Variants in CNBD1 observed in about 807,000 individuals in gnomAD.
CNBD1 encodes cyclic nucleotide binding domain containing 1, also known as cyclic nucleotide-binding domain-containing protein 1.
In CNBD1, 71 loss-of-function variants were observed where a neutral mutation model predicts 54.4. That is an observed-to-expected ratio of 1.30 (90% CI 1.08 to 1.59). The LOEUF (loss-of-function observed/expected upper bound fraction) is 1.59. Ranked by LOEUF, CNBD1 falls within the 40% of genes most tolerant of loss-of-function variation. The pLI is 0.00. For synonymous variants in CNBD1, 182 were observed against 170.7 expected (o/e 1.07, Z -0.51); for missense variants, 659 against 518.0 (o/e 1.27, Z -2.64).
At chr8:87,386,382 T>G (rs955449331), downstream of CNBD1, among the ~76,000 whole-genome samples, 1 of 151,664 alleles carries the variant, frequency 6.6e-6, no homozygotes, top group African/African-American at 2.4e-5. Flanking sequence ...ATTAGATGAA[T>G]GGCTAACGAG....
chr8:87,004,004 C>T (rs991238261), intron 4 of CNBD1, among the ~76,000 whole-genome samples: 2 of 152,120 alleles, frequency 1.3e-5, no homozygotes, highest in African/African-American at 4.8e-5. Context: ...TCTAGTAACA[C>T]ACAGGTCAAG....
chr8:87,142,129 G>C (rs923245261), intron 4 of CNBD1, among the ~76,000 whole-genome samples: 2 of 152,136 alleles, frequency 1.3e-5, no homozygotes, highest in East Asian at 1.9e-4. Context: ...GTAGAGAAGA[G>C]AGAAAAAGGA....
In CNBD1 at chr8:86,921,896, C is replaced by T. The variant is rs374679283; in HGVS notation, c.272+16702C>T. ...TCAGAGAGGGCCTCTGTGCTCAGAG[C>T]TTGGTGGTGCTGACAGGGTCTGAGT... is the stretch of plus-strand genomic sequence containing the variant. On this transcript the variant is annotated intron_variant, in intron 3 of 10. Coordinates refer to ENST00000518476, the MANE Select transcript of CNBD1 (RefSeq NM_173538.3). Among the ~76,000 whole-genome samples the T allele has an allele frequency of 1.4e-4, 21 of 152,154 alleles. No individual in the cohort carries two copies. In the East Asian group the frequency reaches 2.1e-3, roughly 15 times the overall value.
At chr8:87,290,801 G>T (rs182927864) in intron 8 of CNBD1, among the ~76,000 whole-genome samples, 1 of 152,084 alleles carries the variant, frequency 6.6e-6, no homozygotes, top group Non-Finnish European at 1.5e-5. Context: ...ACTTTCTTCT[G>T]GCTTCTATTG....
intron 4 of CNBD1, among the ~76,000 whole-genome samples, chr8:87,154,314 T>G (rs1314937916): frequency 6.6e-6 from 1 of 152,052 alleles, no homozygotes; most frequent in Non-Finnish European, 1.5e-5. Context: ...AGGAGGAAGG[T>G]CTAGAGCCTG....
chr8:86,975,778 A>G (rs921608454), intron 4 of CNBD1, among the ~76,000 whole-genome samples: 1 of 151,806 alleles, frequency 6.6e-6, no homozygotes, highest in East Asian at 1.9e-4. Context: ...TAATAATTCT[A>G]TTTTTAGTTT....
chr8:87,415,383 A>G (rs1457820999), intron 2 of CNBD1, among the ~76,000 whole-genome samples: 1 of 152,034 alleles, frequency 6.6e-6, no homozygotes, highest in Non-Finnish European at 1.5e-5. Flanking sequence ...TTTTGGGTTC[A>G]TAGGTTATTT....
At chr8:87,109,411 A>T (rs1291643867) in intron 4 of CNBD1, among the ~76,000 whole-genome samples, 3 of 152,086 alleles carry the variant, frequency 2.0e-5, no homozygotes, top group African/African-American at 7.2e-5. Flanking sequence ...ATTTATTAAT[A>T]CCTGATGGCA....
chr8:86,946,749 T>C (rs2130438859), intron 4 of CNBD1, among the ~76,000 whole-genome samples: 1 of 152,280 alleles, frequency 6.6e-6, no homozygotes, highest in Middle Eastern at 3.4e-3. Flanking sequence ...GAATATTTCT[T>C]GTAACAACTA....
chr8:87,222,012 A>G (rs759134586), intron 5 of CNBD1, among the ~76,000 whole-genome samples: 1 of 152,082 alleles, frequency 6.6e-6, no homozygotes, highest in Non-Finnish European at 1.5e-5. Context: ...AATATAATAA[A>G]AGCTATGAAA....
chr8:86,985,130 A>AT (rs1384354862), intron 4 of CNBD1, among the ~76,000 whole-genome samples: 2 of 151,774 alleles, frequency 1.3e-5, no homozygotes, highest in African/African-American at 4.8e-5. Flanking sequence ...TAAAAAGGAG[A>AT]TTTTCCCTTC....
At chr8:87,070,692 G>T (rs888269480) in intron 4 of CNBD1, among the ~76,000 whole-genome samples, 1 of 151,996 alleles carries the variant, frequency 6.6e-6, no homozygotes, top group African/African-American at 2.4e-5. Flanking sequence ...GAGCAGAAGT[G>T]ATAGCTGGAT....
rs186700873 is a variant in CNBD1 at position 87,143,910 on chromosome 8, A to G, written c.432-62083A>G. On this transcript the variant is annotated intron_variant, in intron 4 of 10. Transcript: ENST00000518476. Reference sequence around the variant, plus strand: ...GCAGTGCTGCAGAATAAATTCTGATAAAACAACTGTTAAAGGGTCCCTATG... The same window carrying G: ...GCAGTGCTGCAGAATAAATTCTGATGAAACAACTGTTAAAGGGTCCCTATG... Among the ~76,000 whole-genome samples, 420 of 152,356 alleles carry G rather than the reference A, an allele frequency of 2.8e-3. 1 individual carries two copies. The highest frequency in any genetic ancestry group is 9.8e-3 in the African/African-American group (406 of 41,590).
At chr8:86,996,539 TATA>T (rs1808873549) in intron 4 of CNBD1, among the ~76,000 whole-genome samples, 1 of 152,370 alleles carries the variant, frequency 6.6e-6, no homozygotes, top group Admixed American at 6.5e-5. Flanking sequence ...CTTACAATAT[TATA>T]GTAGCAGGCT....
chr8:87,305,902 G>T (rs1198928117), intron 8 of CNBD1, among the ~76,000 whole-genome samples: 1 of 152,174 alleles, frequency 6.6e-6, no homozygotes. Flanking sequence ...AAGATAAATA[G>T]CTCGGACCTA....
chr8:87,428,233 G>T lies in CNBD1; in HGVS notation c.214-313G>T, dbSNP rs555659937. 3.4e-4 allele frequency among the ~76,000 whole-genome samples: 51 copies of T among 152,072 alleles called. No individual in the cohort carries two copies. In the East Asian group the frequency reaches 3.9e-3, roughly 12 times the overall value. On this transcript the variant is annotated intron_variant, in intron 2 of 7. Coordinates refer to the CNBD1 transcript ENST00000521593. ...AGCCTCTGTCATGGAAAGTGAATCT[G>T]CCAGCGGATAAATGAATGGCTTTGA...
intron 6 of CNBD1, among the ~76,000 whole-genome samples, chr8:87,259,041 C>T (rs938891498): frequency 6.6e-6 from 1 of 152,134 alleles, no homozygotes; most frequent in African/African-American, 2.4e-5. Context: ...TTTCATTCTC[C>T]TTACACACCT....
rs1052845451 is a variant in CNBD1, at chr8:86,905,127, CA to C, written c.207del (p.Gln69HisfsTer43). On this transcript the variant is annotated frameshift_variant, in exon 3 of 11. Coordinates refer to ENST00000518476, the MANE Select transcript of CNBD1 (RefSeq NM_173538.3). LOFTEE classifies it high-confidence loss of function. The part of the protein sequence containing the change: ...ILSAHDTFMK[Q>X]YPKVFLHQKP... ...ATCAGCTCACGATACATTTATGAAG[CA>C]ATATCCTAAAGTATTCCTGCACCAA... The C allele has an allele frequency of 6.8e-6, 11 of 1,612,238 alleles. No individual in the cohort carries two copies. The highest frequency in any genetic ancestry group is 8.5e-7 in the Non-Finnish European group (1 of 1,178,908).
intron 10 of CNBD1, among the ~76,000 whole-genome samples, chr8:87,365,009 G>C (rs1386905363): frequency 6.6e-6 from 1 of 152,050 alleles, no homozygotes. Flanking sequence ...TATATACCCA[G>C]TGGTGAGATT....
Sources: allele counts gnomAD v4.1 joint callset (sites outside exome capture counted in the v4.1 genomes callset), GRCh38; gene constraint gnomAD v4.1.1; transcripts MANE v1.5; gene names NCBI Gene and HGNC (gene_info 2026-07-23, HGNC 2026-07-21).